Variants in SLC61A1 observed in about 807,000 individuals in gnomAD.
The protein encoded by SLC61A1 is major facilitator superfamily domain containing 5.
the SLC61A1 span, chr12:53,254,328 G>T: frequency 1.9e-6 from 2 of 1,054,942 alleles, no homozygotes; most frequent in East Asian, 2.5e-5. Context: ...ACATGATGGG[G>T]GTGATGGACT....
At chr12:53,253,294 C>T in the SLC61A1 span, 2 of 1,614,246 alleles carry the variant, frequency 1.2e-6, no homozygotes, top group Admixed American at 3.3e-5. Context: ...CCTGGTATAT[C>T]CATGAGCACG....
At chr12:53,252,710 A>C in the SLC61A1 span, 4 of 1,301,218 alleles carry the variant, frequency 3.1e-6, no homozygotes, top group Non-Finnish European at 4.1e-6. Flanking sequence ...GATCTTGGGG[A>C]GTGGAGTTGG....
chr12:53,253,024 C>T, the SLC61A1 span: 4 of 1,614,102 alleles, frequency 2.5e-6, no homozygotes, highest in Non-Finnish European at 3.4e-6. Flanking sequence ...CCCCCTACCT[C>T]TATAAACTCT....
At chr12:53,252,456 A>C in the SLC61A1 span, 1 of 1,290,848 alleles carries the variant, frequency 7.7e-7, no homozygotes, top group Non-Finnish European at 9.8e-7. Flanking sequence ...ACTGAGGGCA[A>C]AAAGAGGCTC....
the SLC61A1 span, chr12:53,251,405 TGAG>T: frequency 8.5e-5 from 24 of 282,076 alleles, no homozygotes; most frequent in African/African-American, 5.2e-4. Flanking sequence ...TGGAGGCTCT[TGAG>T]GAGATGATAC....
chr12:53,253,499 T>G, the SLC61A1 span: 2 of 1,614,096 alleles, frequency 1.2e-6, no homozygotes, highest in Non-Finnish European at 1.7e-6. Context: ...CCTTCGAAAC[T>G]GGGGGGAGAA....
the SLC61A1 span, chr12:53,253,869 T>C: frequency 6.2e-7 from 1 of 1,614,224 alleles, no homozygotes; most frequent in Non-Finnish European, 8.5e-7. Context: ...GAGTCCTTCA[T>C]AGCCTTTCTA....
chr12:53,252,522 G>T, the SLC61A1 span: 1 of 1,369,328 alleles, frequency 7.3e-7, no homozygotes, highest in Non-Finnish European at 9.4e-7. Flanking sequence ...TGTGGGAAAG[G>T]GCAGTAGAAT....
chr12:53,252,343 C>G, the SLC61A1 span: 1 of 1,348,516 alleles, frequency 7.4e-7, no homozygotes, highest in Non-Finnish European at 9.5e-7. Context: ...AGTGGGGTGC[C>G]AGTGACCTGG....
chr12:53,251,659 T>G, the SLC61A1 span: 1 of 1,424,176 alleles, frequency 7.0e-7, no homozygotes, highest in Non-Finnish European at 9.3e-7. Context: ...CCTTAGTCTG[T>G]CTGCAGCCCG....
the SLC61A1 span, chr12:53,253,426 G>A: frequency 6.2e-7 from 1 of 1,614,174 alleles, no homozygotes; most frequent in Non-Finnish European, 8.5e-7. Flanking sequence ...GCTGGATAGG[G>A]CTGGGGCCTG....
the SLC61A1 span, chr12:53,253,707 C>A: frequency 1.2e-6 from 2 of 1,614,022 alleles, no homozygotes; most frequent in Non-Finnish European, 1.7e-6. Flanking sequence ...TTCATGGCAG[C>A]CAGCCTGCTT....
chr12:53,252,170 T>C, the SLC61A1 span: 29 of 1,424,936 alleles, frequency 2.0e-5, no homozygotes, highest in Non-Finnish European at 2.6e-5. Flanking sequence ...GCGGGAGCGC[T>C]GCTGGAACCC....
chr12:53,252,770 T>G, the SLC61A1 span: 4 of 1,585,196 alleles, frequency 2.5e-6, no homozygotes, highest in Non-Finnish European at 3.4e-6. Context: ...CCCTTGACCG[T>G]GCTGCCCGAA....
At chr12:53,252,490 G>A in the SLC61A1 span, 4 of 1,320,798 alleles carry the variant, frequency 3.0e-6, no homozygotes, top group Non-Finnish European at 3.9e-6. Flanking sequence ...GGAGGTAATA[G>A]AAGGAAGTGT....
the SLC61A1 span, chr12:53,252,035 G>A: frequency 1.6e-6 from 2 of 1,274,702 alleles, no homozygotes; most frequent in Non-Finnish European, 2.1e-6. Context: ...TCCGCGCCCG[G>A]GTAAGGGAAG....
chr12:53,254,161 T>A, the SLC61A1 span: 1 of 1,614,112 alleles, frequency 6.2e-7, no homozygotes. Flanking sequence ...CTTCACCTAC[T>A]GAGGAGCCCT....
chr12:53,252,426 C>G, the SLC61A1 span: 1 of 1,285,684 alleles, frequency 7.8e-7, no homozygotes, highest in Non-Finnish European at 9.9e-7. Flanking sequence ...GGGAGGGATG[C>G]CCGGGACAGA....
the SLC61A1 span, chr12:53,251,733 A>G: frequency 2.0e-6 from 3 of 1,535,042 alleles, no homozygotes; most frequent in Non-Finnish European, 2.6e-6. Context: ...CTTCTCTTGC[A>G]TGGAGGTCAC....
Sources: allele counts gnomAD v4.1 joint callset, GRCh38; gene constraint gnomAD v4.1.1; transcripts MANE v1.5; gene names NCBI Gene and HGNC (gene_info 2026-07-23, HGNC 2026-07-21).